The following OSBPL10 variants were observed in gnomAD, a reference collection of about 807,000 sequenced individuals.
OSBPL10 encodes oxysterol-binding protein-related protein 10.
Under a neutral mutation model 81.7 loss-of-function variants are expected in OSBPL10, and 49 were observed. The ratio of observed to expected loss-of-function variants is 0.60; its 90% CI spans 0.48 to 0.76. The LOEUF (loss-of-function observed/expected upper bound fraction) is 0.76, where lower values mean the gene tolerates loss of function less well. Ranked by LOEUF, OSBPL10 falls within the 30% of genes least tolerant of loss-of-function variation. The probability of loss-of-function intolerance (pLI) is 0.00; values close to 1 mark genes in which losing one functional copy is unlikely to be tolerated. For synonymous variants in OSBPL10, 419 were observed against 383.6 expected, an observed-to-expected ratio of 1.09 and a Z score of -1.08; for missense variants, 923 against 987.8, an observed-to-expected ratio of 0.93 and a Z score of 0.88.
At chr3:32,035,294 G>A (rs1330487786) in intron 2 of OSBPL10, among the ~76,000 whole-genome samples, 1 of 152,130 alleles carries the variant, frequency 6.6e-6, no homozygotes, top group Admixed American at 6.5e-5. Context: ...GGGCACAGTG[G>A]CTCATGCCTG....
intron 1 of OSBPL10, among the ~76,000 whole-genome samples, chr3:31,888,023 T>C (rs1695786148): frequency 6.6e-6 from 1 of 152,030 alleles, no homozygotes; most frequent in Non-Finnish European, 1.5e-5. Context: ...GGAACAAATA[T>C]AGTCTATTAC....
At chr3:31,967,684 G>A (rs1167616289) in intron 1 of OSBPL10, among the ~76,000 whole-genome samples, 2 of 152,244 alleles carry the variant, frequency 1.3e-5, no homozygotes, top group African/African-American at 4.8e-5. Context: ...CAAACCTTTG[G>A]TTTAATGGTC....
At chr3:31,980,697 G>A (rs1435169557) in intron 1 of OSBPL10, among the ~76,000 whole-genome samples, 1 of 152,200 alleles carries the variant, frequency 6.6e-6, no homozygotes, top group South Asian at 2.1e-4. Context: ...TCCCGGGGTG[G>A]AGCCACGGCG....
intron 1 of OSBPL10, among the ~76,000 whole-genome samples, chr3:31,941,646 G>A (rs1054109699): frequency 5.3e-5 from 8 of 152,294 alleles, no homozygotes; most frequent in African/African-American, 1.9e-4. Flanking sequence ...TAGATGGATT[G>A]CTAAGAGGTA....
chr3:31,873,951 T>C (rs1319243618), intron 3 of OSBPL10, among the ~76,000 whole-genome samples: 1 of 152,200 alleles, frequency 6.6e-6, no homozygotes, highest in Non-Finnish European at 1.5e-5. Flanking sequence ...TGAGTGGTAA[T>C]AGCACTTTCA....
At chr3:31,731,634 G>A (rs538395550) in intron 6 of OSBPL10, among the ~76,000 whole-genome samples, 13 of 152,090 alleles carry the variant, frequency 8.5e-5, no homozygotes, top group African/African-American at 2.2e-4. Context: ...GATTACAGGC[G>A]TGTGCCACCA....
chr3:31,920,979 TTAAAA>T (rs1214766074), intron 1 of OSBPL10, among the ~76,000 whole-genome samples: 5 of 152,104 alleles, frequency 3.3e-5, no homozygotes, highest in Non-Finnish European at 7.3e-5. Context: ...ACTCTATTAT[TTAAAA>T]TAAATTACCC....
chr3:32,014,689 A>G (rs1699296828), intron 2 of OSBPL10, among the ~76,000 whole-genome samples: 1 of 152,228 alleles, frequency 6.6e-6, no homozygotes, highest in African/African-American at 2.4e-5. Flanking sequence ...CTGTATATCT[A>G]GAAAACCCCT....
intron 2 of OSBPL10, among the ~76,000 whole-genome samples, chr3:32,043,323 A>G (rs1320862961): frequency 6.6e-6 from 1 of 152,162 alleles, no homozygotes; most frequent in Non-Finnish European, 1.5e-5. Flanking sequence ...GTCAGACCTT[A>G]TGGTTGTCTT....
intron 2 of OSBPL10, among the ~76,000 whole-genome samples, chr3:32,008,971 AAC>A (rs1263104663): frequency 2.0e-5 from 3 of 152,236 alleles, no homozygotes; most frequent in Non-Finnish European, 4.4e-5. Context: ...GACACAGAAC[AAC>A]AGTTATCTCT....
chr3:31,734,422 C>G (rs2125669575), intron 5 of OSBPL10, among the ~76,000 whole-genome samples: 1 of 152,130 alleles, frequency 6.6e-6, no homozygotes, highest in East Asian at 1.9e-4. Context: ...TTCTTTACCC[C>G]ATAGCAATTC....
At chr3:31,926,034 T>C (rs951243703) in intron 1 of OSBPL10, among the ~76,000 whole-genome samples, 2 of 152,152 alleles carry the variant, frequency 1.3e-5, no homozygotes, top group African/African-American at 4.8e-5. Flanking sequence ...AAGTAACCAC[T>C]CTCTTATCTT....
intron 1 of OSBPL10, among the ~76,000 whole-genome samples, chr3:31,903,863 C>T (rs1006126649): frequency 1.3e-5 from 2 of 152,004 alleles, no homozygotes; most frequent in African/African-American, 4.8e-5. Context: ...GACGGGGTTG[C>T]GGGGATGGGA....
At position 31,820,519 on chromosome 3, in the gene OSBPL10, C is replaced by T. The variant is rs576753661; in HGVS notation, c.729+9521G>A. The stretch of plus-strand genomic sequence containing the variant: ...CTGAAGCAGAAGAATCGCTTAAATC[C>T]GGGAGGCGGAGGTTGCAGTGAGCCG... On this transcript the variant is annotated intron_variant, in intron 4 of 11. Coordinates refer to ENST00000396556, the MANE Select transcript of OSBPL10 (RefSeq NM_017784.5). 1.7e-3 allele frequency among the ~76,000 whole-genome samples: 256 copies of T among 151,672 alleles called. 1 individual carries two copies. Among genetic ancestry groups the T allele is most frequent in the African/African-American group, 5.6e-3 (230 of 41,366 alleles).
chr3:31,962,319 T>C (rs1030162828), intron 1 of OSBPL10, among the ~76,000 whole-genome samples: 1 of 152,154 alleles, frequency 6.6e-6, no homozygotes, highest in Admixed American at 6.5e-5. Flanking sequence ...ACAACTATAA[T>C]TCTGTTGAAT....
chr3:31,716,552 G>A (rs1696443235), intron 6 of OSBPL10, among the ~76,000 whole-genome samples: 1 of 152,196 alleles, frequency 6.6e-6, no homozygotes, highest in African/African-American at 2.4e-5. Context: ...GAGAAAAGTA[G>A]CAGGTGTGAT....
At chr3:31,969,691 T>G (rs1335607272) in intron 1 of OSBPL10, 2 of 152,030 alleles carry the variant, frequency 1.3e-5, no homozygotes, top group East Asian at 3.9e-4. Context: ...TCGTCTCTAC[T>G]AAAAATACAA....
chr3:31,722,803 T>C (rs1256070401), intron 6 of OSBPL10, among the ~76,000 whole-genome samples: 1 of 152,162 alleles, frequency 6.6e-6, no homozygotes, highest in Non-Finnish European at 1.5e-5. Flanking sequence ...ACCTACAATA[T>C]TAAACTCATA....
intron 6 of OSBPL10, 30 bp downstream of exon 6, chr3:31,733,227 A>G (rs2125666131): frequency 6.2e-7 from 1 of 1,605,492 alleles, no homozygotes; most frequent in Non-Finnish European, 8.5e-7. Context: ...AACACAAGCC[A>G]TGAATGCACT....
Sources: allele counts gnomAD v4.1 joint callset (sites outside exome capture counted in the v4.1 genomes callset), GRCh38; gene constraint gnomAD v4.1.1; transcripts MANE v1.5; gene names NCBI Gene and HGNC (gene_info 2026-07-23, HGNC 2026-07-21).